CWC25: variants seen among roughly 807,000 people sequenced by gnomAD.
CWC25 encodes CWC25 spliceosome associated protein.
CWC25 carries 31 observed loss-of-function variants against 54.6 expected under a neutral mutation model. The observed-to-expected ratio is 0.57, with a 90% CI of 0.43 to 0.77. CWC25 has a LOEUF of 0.77. Ranked by LOEUF, CWC25 falls within the 30% of genes least tolerant of loss-of-function variation. The probability of loss-of-function intolerance (pLI) is 0.00; values close to 1 mark genes in which losing one functional copy is unlikely to be tolerated. For synonymous variants in CWC25, 151 were observed against 187.0 expected, an observed-to-expected ratio of 0.81 and a Z score of 1.57; for missense variants, 453 against 529.3, an observed-to-expected ratio of 0.86 and a Z score of 1.41.
chr17:38,812,604 G>A (rs1911536220), intron 4 of CWC25, among the ~76,000 whole-genome samples, 191 bp downstream of exon 4: 1 of 151,944 alleles, frequency 6.6e-6, no homozygotes, highest in African/African-American at 2.4e-5. Context: ...TCCAGCCTGG[G>A]CAACAAGATT....
At chr17:38,807,059 C>T (rs979893463) in intron 6 of CWC25, 83 bp from the exon 7 acceptor site, 30 of 1,086,592 alleles carry the variant, frequency 2.8e-5, no homozygotes, top group Admixed American at 6.7e-5. Context: ...CAGTGGCTCA[C>T]GCCTGTAATC....
In CWC25 at chr17:38,802,728, G is replaced by A. The variant is rs146981128; in HGVS notation, c.1135C>T (p.Leu379=). The change falls in exon 9 of 10, where the codon CTG becomes TTG. Residue 379 remains leucine, a synonymous_variant. Transcript: ENST00000614790. ...DEEREQRLEK[L]DSRDGKFIHR... Reference sequence around the variant, plus strand: ...ATGAACTTCCCATCCCGGGAGTCCAGCTTCTCTAGCCTCTGCTCCCGTTCC... The same window carrying A: ...ATGAACTTCCCATCCCGGGAGTCCAACTTCTCTAGCCTCTGCTCCCGTTCC... The A allele has an allele frequency of 4.0e-5, 64 of 1,614,018 alleles. No individual in the cohort carries two copies. The East Asian group carries it at 1.3e-3, about 33-fold the overall frequency.
intron 2 of CWC25, among the ~76,000 whole-genome samples, chr17:38,817,913 C>A (rs542640559): frequency 1.3e-5 from 2 of 151,454 alleles, no homozygotes; most frequent in Non-Finnish European, 2.9e-5. Context: ...CTGCAGTGAG[C>A]GGAGATTGTG....
Position 38,807,738 on chromosome 17 carries a change from A to G in CWC25, c.691-762T>C, listed in dbSNP as rs1212682118. Among the ~76,000 whole-genome samples the G allele has an allele frequency of 3.1e-5, 4 of 128,738 alleles. 1 individual carries two copies. Among genetic ancestry groups the G allele is most frequent in the Non-Finnish European group, 4.9e-5 (3 of 60,822 alleles). 84.5% of individuals were successfully genotyped at this position (128,738 alleles called of 152,430 possible). On this transcript the variant is annotated intron_variant, in intron 6 of 9. Coordinates refer to ENST00000614790, the MANE Select transcript of CWC25 (RefSeq NM_017748.5). Reference sequence around the variant, plus strand: ...ACCACTGCACTCCAGCTTGGATGAGAGAGAAAGACCCTGTCTCAAAAAAAA... The same window carrying G: ...ACCACTGCACTCCAGCTTGGATGAGGGAGAAAGACCCTGTCTCAAAAAAAA...
rs146984361 is a variant in CWC25 at position 38,805,939 on chromosome 17, A to G, written c.1001+358T>C. Among the ~76,000 whole-genome samples the G allele has an allele frequency of 9.2e-5, 14 of 152,186 alleles. No individual in the cohort carries two copies. In the East Asian group the frequency reaches 2.7e-3, roughly 29 times the overall value. On this transcript the variant is annotated intron_variant, in intron 8 of 9. Coordinates refer to ENST00000614790, the MANE Select transcript of CWC25 (RefSeq NM_017748.5). The stretch of plus-strand genomic sequence containing the variant: ...GCAGTTCTCCTGTCTCAGCCTCCCA[A>G]ATAACTGGGATTACAGGCATGTGCC...
intron 2 of CWC25, among the ~76,000 whole-genome samples, chr17:38,816,333 T>G (rs1002122050): frequency 6.6e-6 from 1 of 151,974 alleles, no homozygotes; most frequent in Non-Finnish European, 1.5e-5. Context: ...ACTGCAGCCT[T>G]GAATTCCTGG....
chr17:38,825,079 G>A, intron 1 of CWC25, 87 bp downstream of exon 1: 1 of 1,248,104 alleles, frequency 8.0e-7, no homozygotes, highest in Non-Finnish European at 1.1e-6. Flanking sequence ...GCGTTGCCAT[G>A]GTTATCCACT....
intron 2 of CWC25, among the ~76,000 whole-genome samples, chr17:38,816,681 C>T (rs1286250338): frequency 2.0e-5 from 3 of 147,248 alleles, no homozygotes. Context: ...ACTGCAGGGC[C>T]ATGACCCTTT....
chr17:38,806,445 G>A, intron 7 of CWC25, 50 bp from the exon 8 acceptor site: 1 of 1,448,516 alleles, frequency 6.9e-7, no homozygotes, highest in Non-Finnish European at 9.6e-7. Flanking sequence ...TGGTCCAGGG[G>A]CTTACACTGA....
chr17:38,810,754 C>G lies in CWC25; in HGVS notation c.499-159G>C, dbSNP rs943539791. ...CCTGGCCAACATGGCAAAACCCCAT[C>G]TCTACTAAAAATACAAAAATCAGCT... On this transcript the variant is annotated intron_variant, in intron 4 of 9. Coordinates refer to ENST00000614790, the MANE Select transcript of CWC25 (RefSeq NM_017748.5). 2.6e-5 allele frequency among the ~76,000 whole-genome samples: 4 copies of G among 151,770 alleles called. No individual in the cohort carries two copies. The East Asian group carries it at 7.7e-4, about 29-fold the overall frequency.
chr17:38,802,081 G>A lies in CWC25; in HGVS notation c.*11C>T, dbSNP rs1911048574. 2 of 1,541,398 alleles carry A rather than the reference G, an allele frequency of 1.3e-6. No homozygotes were observed. The highest frequency in any genetic ancestry group is 1.1e-5 in the South Asian group (1 of 89,210). On this transcript the variant is annotated 3_prime_UTR_variant, in exon 10 of 10. Transcript: ENST00000614790. ...AAAATGCAGGAAAACCAATAAGAGA[G>A]GGGACAGTTTTCATCTTTTCATAAA...
chr17:38,819,391 G>A (rs990389262), intron 2 of CWC25, among the ~76,000 whole-genome samples: 5 of 149,124 alleles, frequency 3.4e-5, no homozygotes, highest in African/African-American at 4.9e-5. Flanking sequence ...TTTTTGAGAC[G>A]GAGTCTCGCT....
intron 3 of CWC25, among the ~76,000 whole-genome samples, chr17:38,814,453 A>G (rs1354153528): frequency 6.6e-6 from 1 of 151,032 alleles, no homozygotes; most frequent in East Asian, 2.0e-4. Flanking sequence ...TATTATCAAG[A>G]AAATAGGCTG....
chr17:38,808,055 CAAAAA>C (rs61226105), intron 6 of CWC25, among the ~76,000 whole-genome samples: 5 of 52,738 alleles, frequency 9.5e-5, no homozygotes, highest in South Asian at 7.2e-4. Context: ...GACTCCATCT[CAAAAA>C]AAAAAAAAAA....
chr17:38,823,159 CTT>C (rs35287371), intron 1 of CWC25, among the ~76,000 whole-genome samples: 13 of 122,424 alleles, frequency 1.1e-4, no homozygotes, highest in East Asian at 4.6e-4. Context: ...TTTTTTTTAA[CTT>C]TTTTTTTTTT....
At chr17:38,822,332 G>A (rs548580378) in intron 1 of CWC25, among the ~76,000 whole-genome samples, 1 of 152,212 alleles carries the variant, frequency 6.6e-6, no homozygotes, top group South Asian at 2.1e-4. Flanking sequence ...CAAAGTGCTG[G>A]GATTACAGGC....
intron 1 of CWC25, among the ~76,000 whole-genome samples, chr17:38,822,253 G>A (rs936957641): frequency 1.3e-5 from 2 of 152,096 alleles, no homozygotes; most frequent in South Asian, 4.2e-4. Context: ...AGTAGAGATG[G>A]GGTTTCTCTA....
At chr17:38,809,439 A>C (rs942521351) in intron 6 of CWC25, among the ~76,000 whole-genome samples, 13 of 151,936 alleles carry the variant, frequency 8.6e-5, no homozygotes, top group South Asian at 4.1e-4. Context: ...AAAAAAAAAA[A>C]AACAAAAAAA....
chr17:38,815,170 G>C, intron 2 of CWC25, 73 bp from the exon 3 acceptor site: 2 of 1,314,162 alleles, frequency 1.5e-6, no homozygotes, highest in Non-Finnish European at 2.1e-6. Context: ...CCTAAAACCT[G>C]GACACAAGGG....
Sources: allele counts gnomAD v4.1 joint callset (sites outside exome capture counted in the v4.1 genomes callset), GRCh38; gene constraint gnomAD v4.1.1; transcripts MANE v1.5; gene names NCBI Gene and HGNC (gene_info 2026-07-23, HGNC 2026-07-21).